Variants in KAZN observed in about 807,000 individuals in gnomAD.
KAZN encodes kazrin, periplakin interacting protein, also known as kazrin.
Under a neutral mutation model 87.4 loss-of-function variants are expected in KAZN, and 40 were observed. That is an observed-to-expected ratio of 0.46 (90% CI 0.36 to 0.60). KAZN has a LOEUF of 0.60. Among genes scored for constraint, KAZN ranks in the 20% least tolerant of loss-of-function variants. The pLI, the probability that KAZN is intolerant of heterozygous loss-of-function variation, is 0.00. For synonymous variants in KAZN, 466 were observed against 458.3 expected, an observed-to-expected ratio of 1.02 and a Z score of -0.22; for missense variants, 898 against 1,073.9, an observed-to-expected ratio of 0.84 and a Z score of 2.29.
chr1:14,035,600 G>C (rs938043512), intron 1 of KAZN, among the ~76,000 whole-genome samples: 1 of 108,304 alleles, frequency 9.2e-6, no homozygotes, highest in Non-Finnish European at 1.9e-5. Flanking sequence ...CCCTCAAGTA[G>C]CTGGGACTAC....
At chr1:14,411,038 G>A (rs1162266450) in intron 2 of KAZN, among the ~76,000 whole-genome samples, 1 of 152,146 alleles carries the variant, frequency 6.6e-6, no homozygotes, top group East Asian at 1.9e-4. Flanking sequence ...GATTGAGAAT[G>A]AACATCAAGT....
Position 13,916,513 on chromosome 1 carries a change from C to T in KAZN, c.91+22757C>T, listed in dbSNP as rs149625425. 1.9e-3 allele frequency among the ~76,000 whole-genome samples: 292 copies of T among 152,282 alleles called. 4 individuals carry two copies. The highest frequency in any genetic ancestry group is 0.016 in the Admixed American group (245 of 15,296). On this transcript the variant is annotated intron_variant, in intron 1 of 16. Coordinates refer to the KAZN transcript ENST00000636203. ...TTTCCCTACCCATTCAGCATCCCTACGTGCCAGGTGCTACACATTTAGAAG... is the reference window on the plus strand; with the variant it reads ...TTTCCCTACCCATTCAGCATCCCTATGTGCCAGGTGCTACACATTTAGAAG...
chr1:14,994,127 G>A (rs1374316084), intron 2 of KAZN, among the ~76,000 whole-genome samples: 1 of 152,250 alleles, frequency 6.6e-6, no homozygotes, highest in African/African-American at 2.4e-5. Context: ...ATCCTCAGAA[G>A]GGGAGCCCCT....
chr1:14,269,222 A>G (rs930988313), intron 2 of KAZN, among the ~76,000 whole-genome samples: 3 of 152,296 alleles, frequency 2.0e-5, no homozygotes, highest in African/African-American at 7.2e-5. Context: ...GGCCACGTAT[A>G]TAAACAGATA....
intron 2 of KAZN, among the ~76,000 whole-genome samples, chr1:15,031,684 G>A (rs966961144): frequency 6.6e-6 from 1 of 151,976 alleles, no homozygotes; most frequent in African/African-American, 2.4e-5. Context: ...ACTCACTGCA[G>A]CCTCAACCTC....
intron 1 of KAZN, among the ~76,000 whole-genome samples, chr1:14,694,212 C>A (rs571987904): frequency 6.6e-6 from 1 of 152,362 alleles, no homozygotes; most frequent in African/African-American, 2.4e-5. Flanking sequence ...GACCCCTCCA[C>A]CTCATCAGCT....
At chr1:14,194,301 T>C (rs1160342368) in intron 2 of KAZN, among the ~76,000 whole-genome samples, 1 of 152,148 alleles carries the variant, frequency 6.6e-6, no homozygotes, top group African/African-American at 2.4e-5. Context: ...GGGGACAAGT[T>C]GAGTCTCCCA....
chr1:14,063,569 A>G (rs1642878670), intron 1 of KAZN, among the ~76,000 whole-genome samples: 1 of 152,166 alleles, frequency 6.6e-6, no homozygotes. Context: ...TTTCAACTCT[A>G]CAGAGTTGAA....
At chr1:13,961,090 G>T (rs538865322) in intron 1 of KAZN, among the ~76,000 whole-genome samples, 1 of 152,244 alleles carries the variant, frequency 6.6e-6, no homozygotes, top group South Asian at 2.1e-4. Context: ...ATTAGGGGCT[G>T]AGCCCCTTTT....
intron 1 of KAZN, among the ~76,000 whole-genome samples, chr1:14,777,187 G>A (rs1261665305): frequency 1.3e-5 from 2 of 150,992 alleles, no homozygotes; most frequent in African/African-American, 2.4e-5. Context: ...TAGTAGAGAC[G>A]GGGTTTCACC....
intron 1 of KAZN, among the ~76,000 whole-genome samples, chr1:14,027,565 A>G (rs933217878): frequency 6.6e-6 from 1 of 152,212 alleles, no homozygotes; most frequent in Non-Finnish European, 1.5e-5. Context: ...AATAGCTTCT[A>G]GCAAACTATA....
intron 2 of KAZN, among the ~76,000 whole-genome samples, chr1:14,306,529 C>T (rs1654942254): frequency 6.6e-6 from 1 of 152,120 alleles, no homozygotes; most frequent in Non-Finnish European, 1.5e-5. Context: ...CCTATCTGGG[C>T]CTGGACAGTC....
At chr1:15,100,565 C>T (rs1232373006) in intron 10 of KAZN, among the ~76,000 whole-genome samples, 1 of 152,102 alleles carries the variant, frequency 6.6e-6, no homozygotes, top group Non-Finnish European at 1.5e-5. Flanking sequence ...TGGCGAGCAG[C>T]GGAATGACAG....
In KAZN at chr1:14,438,095, CAAA is replaced by C. The variant is rs35260375; in HGVS notation, c.250-160873_250-160871del. Among the ~76,000 whole-genome samples the C allele has an allele frequency of 1.4e-3, 184 of 133,992 alleles. 1 individual carries two copies. The highest frequency in any genetic ancestry group is 3.1e-3 in the African/African-American group (115 of 36,546). The allele number at this position is 133,992 out of a possible 152,430, so 87.9% of individuals were successfully genotyped here. On this transcript the variant is annotated intron_variant, in intron 2 of 16. Transcript: ENST00000636203. ...GGTCAAAAAGTTATTTCCCTAAAGCCAAAAAAAAAAAAAAAAAGATCTGAGCAA... is the reference window on the plus strand; with the variant it reads ...GGTCAAAAAGTTATTTCCCTAAAGCCAAAAAAAAAAAAAAGATCTGAGCAA...
intron 1 of KAZN, among the ~76,000 whole-genome samples, chr1:14,164,800 A>G (rs1447270604): frequency 6.6e-6 from 1 of 151,834 alleles, no homozygotes; most frequent in African/African-American, 2.4e-5. Context: ...CGGCCTCCCA[A>G]AGTGCTGGGA....
Position 15,009,945 on chromosome 1 carries a change from A to T in KAZN, c.419-24804A>T, listed in dbSNP as rs61537861. 5.1e-3 allele frequency among the ~76,000 whole-genome samples: 747 copies of T among 146,370 alleles called. 7 individuals are homozygous for T. Among genetic ancestry groups the T allele is most frequent in the African/African-American group, 0.019 (720 of 38,510 alleles). ...AAAAGATAAGGACTCTTTTTAAGAA[A>T]CATAACCTCCAAACTATCATCTCAC... On this transcript the variant is annotated intron_variant, in intron 2 of 14. Transcript: ENST00000376030.
chr1:14,918,950 T>C (rs1658200379), intron 1 of KAZN, among the ~76,000 whole-genome samples: 1 of 151,830 alleles, frequency 6.6e-6, no homozygotes, highest in Admixed American at 6.6e-5. Context: ...TCAATCCCTA[T>C]TGTTTTAAAC....
chr1:14,433,046 G>GGATCTC (rs1212072900), intron 2 of KAZN, among the ~76,000 whole-genome samples: 1 of 151,882 alleles, frequency 6.6e-6, no homozygotes, highest in Non-Finnish European at 1.5e-5. Context: ...CAGTCTCTCT[G>GGATCTC]GATCTCATAA....
intron 1 of KAZN, among the ~76,000 whole-genome samples, chr1:14,746,397 C>A (rs779806442): frequency 1.8e-4 from 27 of 152,068 alleles, no homozygotes; most frequent in Non-Finnish European, 3.4e-4. Flanking sequence ...ATTAAAAGTG[C>A]GGAGGACTCA....
Sources: allele counts gnomAD v4.1 joint callset (sites outside exome capture counted in the v4.1 genomes callset), GRCh38; gene constraint gnomAD v4.1.1; transcripts MANE v1.5; gene names NCBI Gene and HGNC (gene_info 2026-07-23, HGNC 2026-07-21).